Variants in TNRC6B observed in about 807,000 individuals in gnomAD.
TNRC6B encodes the protein trinucleotide repeat-containing gene 6B protein.
Under a neutral mutation model 203.6 loss-of-function variants are expected in TNRC6B, and 52 were observed. The observed-to-expected ratio is 0.26, with a 90% CI of 0.20 to 0.32. The LOEUF (loss-of-function observed/expected upper bound fraction) is 0.32. Ranked by LOEUF, TNRC6B falls within the 10% of genes least tolerant of loss-of-function variation. TNRC6B has a pLI of 1.00. For missense variants in TNRC6B, 1,923 were observed against 2,286.2 expected (o/e 0.84, Z 3.24); for synonymous variants, 838 against 845.7 (o/e 0.99, Z 0.16).
At chr22:40,185,300 T>G (rs2069185571) in intron 1 of TNRC6B, among the ~76,000 whole-genome samples, 1 of 152,168 alleles carries the variant, frequency 6.6e-6, no homozygotes. Context: ...GATTTTCCTT[T>G]TTAAGTTGAT....
At chr22:40,148,671 C>G (rs1043263824) in intron 3 of TNRC6B, among the ~76,000 whole-genome samples, 1 of 152,168 alleles carries the variant, frequency 6.6e-6, no homozygotes, top group Admixed American at 6.5e-5. Flanking sequence ...TGTTGAAATA[C>G]GAACTCCCAG....
intron 16 of TNRC6B, among the ~76,000 whole-genome samples, chr22:40,309,319 A>C (rs1201095494): frequency 1.1e-4 from 16 of 152,234 alleles, no homozygotes; most frequent in Admixed American, 1.0e-3. Context: ...AACTGTATCC[A>C]TGAGAACCAA....
rs1445303349 is a variant in TNRC6B at position 40,265,542 on chromosome 22, T to C, written c.1312T>C (p.Ser438Pro). The C allele has an allele frequency of 6.2e-7, 1 of 1,613,694 alleles. No homozygotes were observed. Among genetic ancestry groups the C allele is most frequent in the African/African-American group, 1.3e-5 (1 of 74,850 alleles). Residue 438 changes from serine to proline, a missense_variant, in exon 5 of 23, where the codon TCT becomes CCT. Transcript: ENST00000454349. Reference sequence around the variant, plus strand: ...GGGGCCTTCTGGAACTGACACAGTCTCTGGACAAAGCAATTCTGGAAACAA... The same window carrying C: ...GGGGCCTTCTGGAACTGACACAGTCCCTGGACAAAGCAATTCTGGAAACAA... ...ARGPSGTDTV[S>P]GQSNSGNNGN...
chr22:40,184,725 G>T (rs1331097592), intron 1 of TNRC6B, among the ~76,000 whole-genome samples: 2 of 152,202 alleles, frequency 1.3e-5, no homozygotes, highest in Non-Finnish European at 2.9e-5. Flanking sequence ...CATTTAGGAA[G>T]ATTTTGGAGG....
chr22:40,057,960 A>C (rs7290298), intron 1 of TNRC6B, among the ~76,000 whole-genome samples: 56,067 of 152,126 alleles, frequency 0.37, 15,129 homozygotes, highest in African/African-American at 0.77. Context: ...TTAAGTTAAT[A>C]TTTCACCATC....
intron 1 of TNRC6B, 48 bp from the exon 2 acceptor site, chr22:40,245,967 A>T (rs1344035153): frequency 7.0e-7 from 1 of 1,430,330 alleles, no homozygotes; most frequent in East Asian, 2.6e-5. Context: ...GCGGAAATGG[A>T]TTGTGAATGT....
intron 1 of TNRC6B, among the ~76,000 whole-genome samples, chr22:40,052,255 TC>T (rs2064960282): frequency 6.6e-6 from 1 of 152,286 alleles, no homozygotes; most frequent in African/African-American, 2.4e-5. Flanking sequence ...ATTGTTTTTT[TC>T]ATATAGTGAT....
At position 40,287,576 on chromosome 22, in the gene TNRC6B, G is replaced by A. The variant is rs2070805426; in HGVS notation, c.3708+1806G>A. On this transcript the variant is annotated intron_variant, in intron 12 of 22. Coordinates refer to ENST00000454349, the MANE Select transcript of TNRC6B (RefSeq NM_001162501.2). The stretch of plus-strand genomic sequence containing the variant: ...GTTCCAGTCATCCTTCAAGCCCCAG[G>A]TAGAGGTTTGTCCTTTAGACAGAGC... Among the ~76,000 whole-genome samples the A allele has an allele frequency of 1.3e-5, 2 of 152,076 alleles. 1 individual carries two copies. The highest frequency in any genetic ancestry group is 6.3e-3 in the Middle Eastern group (2 of 316).
rs527753184 is a variant in TNRC6B, at chr22:40,333,530, A to G, written c.*10289A>G. ...GCTCTCAACCTTTCTTGGTTCAGAC[A>G]CACACATACACACCCCTTGAGTAAC... On this transcript the variant is annotated 3_prime_UTR_variant, in exon 23 of 23. Coordinates refer to ENST00000454349, the MANE Select transcript of TNRC6B (RefSeq NM_001162501.2). The G allele has an allele frequency of 6.5e-6, 1 of 152,734 alleles. No homozygotes were observed. Among genetic ancestry groups the G allele is most frequent in the South Asian group, 2.1e-4 (1 of 4,826 alleles). The allele number at this position is 152,734 out of a possible 1,614,324, so 9.5% of individuals were successfully genotyped here.
intron 17 of TNRC6B, among the ~76,000 whole-genome samples, chr22:40,311,460 A>G (rs962654059): frequency 2.6e-5 from 4 of 152,214 alleles, no homozygotes; most frequent in African/African-American, 4.8e-5. Context: ...CAGTAATTCC[A>G]TAAATATATA....
chr22:40,270,311 TC>T (rs1383162753), intron 6 of TNRC6B, 31 bp downstream of exon 6: 3 of 1,304,506 alleles, frequency 2.3e-6, no homozygotes, highest in African/African-American at 1.6e-5. Context: ...TTTTGAGGGA[TC>T]CTTTTTTTTT....
chr22:40,084,615 A>G (rs929450095), intron 1 of TNRC6B, among the ~76,000 whole-genome samples: 4 of 152,204 alleles, frequency 2.6e-5, no homozygotes, highest in Admixed American at 6.5e-5. Context: ...GGTGCTATTT[A>G]TGCTCAGATC....
intron 1 of TNRC6B, among the ~76,000 whole-genome samples, chr22:40,200,950 C>G (rs997182087): frequency 6.6e-6 from 1 of 152,168 alleles, no homozygotes; most frequent in African/African-American, 2.4e-5. Context: ...GTGCTGAAAT[C>G]TTACTCAACT....
At chr22:40,130,125 T>A (rs2068528038) in intron 3 of TNRC6B, among the ~76,000 whole-genome samples, 1 of 152,208 alleles carries the variant, frequency 6.6e-6, no homozygotes, top group South Asian at 2.1e-4. Flanking sequence ...AGATTTTTTT[T>A]AAATGGAAGA....
intron 1 of TNRC6B, among the ~76,000 whole-genome samples, chr22:40,231,325 AAATT>A (rs1206802274): frequency 2.0e-5 from 3 of 152,196 alleles, no homozygotes; most frequent in Non-Finnish European, 4.4e-5. Flanking sequence ...CGTTGAATCT[AAATT>A]AATTGGAGGA....
intron 1 of TNRC6B, among the ~76,000 whole-genome samples, chr22:40,225,742 CAAAA>C (rs34769532): frequency 1.2e-4 from 8 of 64,352 alleles, no homozygotes; most frequent in African/African-American, 5.6e-4. Flanking sequence ...GACTCCGTCT[CAAAA>C]AAAAAAAAAA....
At chr22:40,144,676 G>GAAAAAA (rs34160632) in intron 3 of TNRC6B, among the ~76,000 whole-genome samples, 1 of 97,318 alleles carries the variant, frequency 1.0e-5, no homozygotes. Context: ...CTCCGTCTCG[G>GAAAAAA]AAAAAAAAAA....
intron 4 of TNRC6B, among the ~76,000 whole-genome samples, chr22:40,168,770 A>G (rs192188792): frequency 3.3e-5 from 5 of 152,250 alleles, no homozygotes; most frequent in Non-Finnish European, 5.9e-5. Flanking sequence ...AGTTGGTAAA[A>G]CTTGGAAAAG....
At chr22:40,300,863 C>T (rs1204321331) in intron 13 of TNRC6B, 47 bp from the exon 14 acceptor site, 1 of 1,567,794 alleles carries the variant, frequency 6.4e-7, no homozygotes, top group South Asian at 1.2e-5. Flanking sequence ...CTCAGTAAAT[C>T]AATCTCAGGA....
Sources: gnomAD v4.1 joint callset for allele counts (sites outside exome capture counted in the v4.1 genomes callset) on GRCh38, gnomAD v4.1.1 for gene constraint, MANE v1.5 for transcripts, NCBI Gene and HGNC (gene_info 2026-07-23, HGNC 2026-07-21) for gene names.